AGGF1: variants seen among roughly 807,000 people sequenced by gnomAD.
AGGF1 encodes angiogenic factor with G-patch and FHA domains 1.
AGGF1 carries 56 observed loss-of-function variants against 86.5 expected under a neutral mutation model. That is an observed-to-expected ratio of 0.65 (90% confidence interval 0.52 to 0.81). AGGF1 has a LOEUF of 0.81. AGGF1 is among the 30% of genes least tolerant of loss of function. AGGF1 has a pLI of 0.00. For synonymous variants in AGGF1, 313 were observed against 297.1 expected, an observed-to-expected ratio of 1.05 and a Z score of -0.55; for missense variants, 816 against 850.9, an observed-to-expected ratio of 0.96 and a Z score of 0.51.
intron 6 of AGGF1, among the ~76,000 whole-genome samples, chr5:77,047,584 G>T (rs918321815): frequency 1.2e-4 from 18 of 146,612 alleles, no homozygotes; most frequent in African/African-American, 4.5e-4. Context: ...CGCAGTCTCG[G>T]CTTACTGTAA....
chr5:77,036,795 T>C, intron 4 of AGGF1, 75 bp downstream of exon 4: 1 of 1,515,328 alleles, frequency 6.6e-7, no homozygotes, highest in South Asian at 1.1e-5. Context: ...TGGAGTGCAG[T>C]GGAGTGATCT....
chr5:77,030,761 G>T lies in AGGF1; in HGVS notation c.-6G>T, dbSNP rs1374808595. The T allele has an allele frequency of 6.4e-7, 1 of 1,566,494 alleles. No individual in the cohort carries two copies. The highest frequency in any genetic ancestry group is 8.6e-7 in the Non-Finnish European group (1 of 1,162,704). The stretch of plus-strand genomic sequence containing the variant: ...CGCGGCGACGAGCAGTCTCGCGCCG[G>T]AGCTCATGGCCTCGGAGGCGCCGTC... On this transcript the variant is annotated 5_prime_UTR_variant, in exon 1 of 14. Coordinates refer to ENST00000312916, the MANE Select transcript of AGGF1 (RefSeq NM_018046.5).
intron 10 of AGGF1, 65 bp from the exon 11 acceptor site, chr5:77,055,446 CATT>C: frequency 1.0e-6 from 1 of 979,780 alleles, no homozygotes; most frequent in Non-Finnish European, 1.6e-6. Context: ...AATTAAATAA[CATT>C]AGTTTTAATT....
chr5:77,030,990 C>A lies in AGGF1; in HGVS notation c.210+14C>A. 6.2e-7 allele frequency: 1 copy of A among 1,611,016 alleles called. No homozygotes were observed. Among genetic ancestry groups the A allele is most frequent in the Non-Finnish European group, 8.5e-7 (1 of 1,179,770 alleles). On this transcript the variant is annotated intron_variant, in intron 1 of 13. Transcript: ENST00000312916. ...CTCCGCACGCAGGTGCGCGGTCCTC[C>A]TCAGCCCCGCGCCCCATCCAGCCCA...
chr5:77,032,563 CAAAAAAAAAAA>C (rs4025997), intron 1 of AGGF1, among the ~76,000 whole-genome samples: 2 of 94,212 alleles, frequency 2.1e-5, no homozygotes, highest in African/African-American at 8.9e-5. Flanking sequence ...GACTCCGTCT[CAAAAAAAAAAA>C]AAAAAAAAAA....
chr5:77,031,116 A>G (rs1746842577), intron 1 of AGGF1, 140 bp downstream of exon 1: 2 of 919,902 alleles, frequency 2.2e-6, no homozygotes, highest in African/African-American at 1.7e-5. Context: ...AGCTCAGCGC[A>G]GTTACAATTC....
chr5:77,054,672 T>G (rs2150734033), intron 10 of AGGF1, among the ~76,000 whole-genome samples: 1 of 152,306 alleles, frequency 6.6e-6, no homozygotes, highest in Non-Finnish European at 1.5e-5. Flanking sequence ...TATACCTACA[T>G]CAAAAATCAT....
chr5:77,061,459 ATTTCT>A (rs1205766172), intron 12 of AGGF1, among the ~76,000 whole-genome samples: 1 of 152,178 alleles, frequency 6.6e-6, no homozygotes, highest in Non-Finnish European at 1.5e-5. Flanking sequence ...CATCTGGATC[ATTTCT>A]GATTTGTTGC....
At position 77,063,093 on chromosome 5, in the gene AGGF1, A is replaced by C. The variant is rs769334105; in HGVS notation, c.1986A>C (p.Thr662=). Residue 662 remains threonine (T), a synonymous_variant, in exon 14 of 14, where the codon ACA becomes ACC. Transcript: ENST00000312916. ...GGCGAACACATGCAGGCTTGGGGACAGGCAAACCATCCTCATTTGAAGATG... is the reference window on the plus strand; with the variant it reads ...GGCGAACACATGCAGGCTTGGGGACCGGCAAACCATCCTCATTTGAAGATG... The part of the protein sequence containing the change: ...QLRRTHAGLG[T]GKPSSFEDVH... 1 of 1,614,114 alleles carries C rather than the reference A, an allele frequency of 6.2e-7. No individual in the cohort carries two copies. The highest frequency in any genetic ancestry group is 8.5e-7 in the Non-Finnish European group (1 of 1,180,000).
intron 6 of AGGF1, among the ~76,000 whole-genome samples, chr5:77,047,087 T>A (rs1321645384): frequency 6.6e-6 from 1 of 152,232 alleles, no homozygotes; most frequent in Non-Finnish European, 1.5e-5. Context: ...TAATTTTTTT[T>A]TACTTGAATA....
intron 1 of AGGF1, among the ~76,000 whole-genome samples, chr5:77,032,127 G>A (rs990485879): frequency 1.3e-5 from 2 of 151,928 alleles, no homozygotes; most frequent in Non-Finnish European, 2.9e-5. Context: ...AATAACTGTT[G>A]AGTTGCAATG....
At chr5:77,043,632 A>C (rs1310440792) in intron 5 of AGGF1, among the ~76,000 whole-genome samples, 46 of 64,340 alleles carry the variant, frequency 7.1e-4, no homozygotes, top group African/African-American at 1.1e-3. Context: ...GGGGGGGCTG[A>C]CCCCCCACCT....
chr5:77,047,173 G>A (rs1747283635), intron 6 of AGGF1, among the ~76,000 whole-genome samples: 1 of 152,054 alleles, frequency 6.6e-6, no homozygotes, highest in African/African-American at 2.4e-5. Context: ...TACTTTAGTG[G>A]ATTCAAGCAA....
At chr5:77,048,850 C>A in intron 7 of AGGF1, 86 bp from the exon 8 acceptor site, 1 of 1,249,430 alleles carries the variant, frequency 8.0e-7, no homozygotes. Flanking sequence ...TGTATTTTAA[C>A]ATTATCTGTT....
At position 77,059,625 on chromosome 5, in the gene AGGF1, T is replaced by A; in HGVS notation, c.1726T>A (p.Tyr576Asn). ...TTTTGTGTTTATTAAGAATACAGAA[T>A]ACGAAGATGAAAAGACATTGAAGAA... ...RVKYGLQNTE[Y>N]EDEKTLKNPK... Residue 576 changes from tyrosine (Y) to asparagine (N), a missense_variant, in exon 12 of 14, where the codon TAC (tyrosine) becomes AAC (asparagine). This residue lies in a region of AGGF1 where 565 missense variants were observed against 585.8 expected (regional missense o/e 0.96). Coordinates refer to ENST00000312916, the MANE Select transcript of AGGF1 (RefSeq NM_018046.5). The A allele has an allele frequency of 6.2e-7, 1 of 1,605,352 alleles. No homozygotes were observed. Among genetic ancestry groups the A allele is most frequent in the Non-Finnish European group, 8.5e-7 (1 of 1,172,944 alleles).
At chr5:77,059,071 A>G (rs899107488) in intron 11 of AGGF1, among the ~76,000 whole-genome samples, 3 of 152,200 alleles carry the variant, frequency 2.0e-5, no homozygotes, top group Admixed American at 1.3e-4. Flanking sequence ...TCAAACTACT[A>G]TAGGTCCCTT....
At chr5:77,032,540 G>A (rs1189186793) in intron 1 of AGGF1, among the ~76,000 whole-genome samples, 7 of 145,500 alleles carry the variant, frequency 4.8e-5, no homozygotes, top group African/African-American at 2.6e-5. Flanking sequence ...CTCCAGCCTG[G>A]GCGACAAAGC....
chr5:77,048,174 T>C lies in AGGF1; in HGVS notation c.1215T>C (p.Ile405=), dbSNP rs13155212. 403,211 of 1,606,922 alleles carry C rather than the reference T, an allele frequency of 0.25. 51,954 individuals carry two copies. The highest frequency in any genetic ancestry group is 0.27 in the Admixed American group (16,195 of 59,972). Residue 405 remains isoleucine, a synonymous_variant, in exon 7 of 14, where the codon ATT becomes ATC. Transcript: ENST00000312916. ...EDSEDEDEDK[I]WPPCIRVIVI... ...TTTCCTTGGCAGATGAAGACAAAATTTGGCCCCCATGTATTAGAGTAATTG... is the reference window on the plus strand; with the variant it reads ...TTTCCTTGGCAGATGAAGACAAAATCTGGCCCCCATGTATTAGAGTAATTG...
chr5:77,031,595 A>G (rs1200646740), intron 1 of AGGF1, among the ~76,000 whole-genome samples: 1 of 152,190 alleles, frequency 6.6e-6, no homozygotes. Flanking sequence ...TTAAACTGTC[A>G]CATTAAAAAC....
Sources: allele counts gnomAD v4.1 joint callset (sites outside exome capture counted in the v4.1 genomes callset), GRCh38; gene constraint gnomAD v4.1.1; regional missense constraint gnomAD v4.1.1; transcripts MANE v1.5; gene names NCBI Gene and HGNC (gene_info 2026-07-23, HGNC 2026-07-21).